The following NLN variants were observed in gnomAD, a reference collection of about 807,000 sequenced individuals.
NLN encodes the protein neurolysin, also known as neurolysin, mitochondrial.
Under a neutral mutation model 79.9 loss-of-function variants are expected in NLN, and 64 were observed. The observed-to-expected ratio is 0.80, with a 90% CI of 0.65 to 0.99. The LOEUF is 0.99. Among genes scored for constraint, NLN ranks in the 50% least tolerant of loss-of-function variants. NLN has a pLI of 0.00. For missense variants in NLN, 835 were observed against 858.7 expected, an observed-to-expected ratio of 0.97 and a Z score of 0.34; for synonymous variants, 267 against 296.6, an observed-to-expected ratio of 0.90 and a Z score of 1.02.
intron 11 of NLN, among the ~76,000 whole-genome samples, chr5:65,810,926 C>A (rs1760530286): frequency 6.6e-6 from 1 of 152,118 alleles, no homozygotes; most frequent in African/African-American, 2.4e-5. Flanking sequence ...CTGCAGCGAG[C>A]CATGATTGCA....
intron 1 of NLN, among the ~76,000 whole-genome samples, chr5:65,743,985 G>A (rs1231850075): frequency 6.6e-6 from 1 of 152,192 alleles, no homozygotes; most frequent in Non-Finnish European, 1.5e-5. Flanking sequence ...CCCCAAGGCA[G>A]AGTCACACAC....
Position 65,780,515 on chromosome 5 carries a change from GGACTT to G in NLN, c.661+235_661+239del, listed in dbSNP as rs530012478. On this transcript the variant is annotated intron_variant, in intron 5 of 12. Transcript: ENST00000380985. ...AAAATTTCTAGAGACAGTCCAGAGG[GGACTT>G]AATAATCTTTTTTTTTTTTCATAAT... Among the ~76,000 whole-genome samples, 117 of 152,022 alleles carry G rather than the reference GGACTT, an allele frequency of 7.7e-4. 1 individual carries two copies. The highest frequency in any genetic ancestry group is 7.1e-3 in the East Asian group (37 of 5,182).
intron 3 of NLN, among the ~76,000 whole-genome samples, chr5:65,765,255 C>G (rs899779770): frequency 1.3e-5 from 2 of 152,184 alleles, no homozygotes; most frequent in Admixed American, 6.5e-5. Flanking sequence ...CGGTGGCTCA[C>G]GCCTGTAATC....
intron 1 of NLN, among the ~76,000 whole-genome samples, chr5:65,758,106 G>C (rs1418476212): frequency 6.6e-6 from 1 of 151,956 alleles, no homozygotes; most frequent in Non-Finnish European, 1.5e-5. Flanking sequence ...ATGGTGGTAT[G>C]TCCCCTGTAG....
chr5:65,787,832 T>G (rs1197502408), intron 7 of NLN, among the ~76,000 whole-genome samples: 2 of 152,194 alleles, frequency 1.3e-5, no homozygotes, highest in African/African-American at 4.8e-5. Flanking sequence ...TGAGATAAAC[T>G]TGAGCTTTGG....
In NLN at chr5:65,785,918, CT is replaced by C. The variant is rs769634832; in HGVS notation, c.958+20del. 0.099 allele frequency: 97,189 copies of C among 984,352 alleles called. 1 individual carries two copies. Among genetic ancestry groups the C allele is most frequent in the South Asian group, 0.15 (8,009 of 53,446 alleles). 61.0% of individuals were successfully genotyped at this position (984,352 alleles called of 1,614,324 possible). A position where few individuals can be genotyped will look rare whatever the true frequency, so the allele number is the denominator to read the frequency against. ...GCGTAACAGCCTTTCTAGGTTAGTT[CT>C]TTTTTTTTTTTCTATGACTGTTTTG... On this transcript the variant is annotated intron_variant, in intron 7 of 12. Coordinates refer to ENST00000380985, the MANE Select transcript of NLN (RefSeq NM_020726.5).
chr5:65,769,387 A>T (rs2150751235), intron 3 of NLN, among the ~76,000 whole-genome samples: 1 of 152,354 alleles, frequency 6.6e-6, no homozygotes, highest in Middle Eastern at 3.4e-3. Context: ...TACATTTGGA[A>T]ATAACAAAGT....
rs756369946 is a variant in NLN at position 65,788,228 on chromosome 5, A to G, written c.1069A>G (p.Asn357Asp). The G allele has an allele frequency of 3.7e-6, 6 of 1,614,216 alleles. No homozygotes were observed. The South Asian group carries it at 5.5e-5, about 15-fold the overall frequency. ...DRGFEYDGKI[N>D]AWDLYYYMTQ... ...GGGTTTTGAATATGATGGGAAAATCAATGCCTGGGATCTATATTACTACAT... is the reference window on the plus strand; with the variant it reads ...GGGTTTTGAATATGATGGGAAAATCGATGCCTGGGATCTATATTACTACAT... The change falls in exon 8 of 13, where the codon AAT becomes GAT. Residue 357 changes from asparagine (N) to aspartate (D), a missense_variant. By Grantham distance (23) the Asn-to-Asp change is conservative. Coordinates refer to ENST00000380985, the MANE Select transcript of NLN (RefSeq NM_020726.5).
chr5:65,768,760 G>T (rs1481878601), intron 3 of NLN, among the ~76,000 whole-genome samples: 1 of 152,208 alleles, frequency 6.6e-6, no homozygotes, highest in Non-Finnish European at 1.5e-5. Flanking sequence ...CATGGCACGG[G>T]TTGGGAGGTG....
Position 65,745,216 on chromosome 5 carries a change from T to C in NLN, c.42-13351T>C, listed in dbSNP as rs540234990. Among the ~76,000 whole-genome samples, 18 of 152,032 alleles carry C rather than the reference T, an allele frequency of 1.2e-4. No homozygotes were observed. The South Asian group carries it at 3.7e-3, about 32-fold the overall frequency. ...GCCCCTGCAGCAATCTCTCAGGGAG[T>C]GGTATAGATAACAAGTCAGACATGT... On this transcript the variant is annotated intron_variant, in intron 1 of 12. Transcript: ENST00000380985.
chr5:65,768,865 C>T lies in NLN; in HGVS notation c.450+5757C>T, dbSNP rs184251632. Among the ~76,000 whole-genome samples, 214 of 152,324 alleles carry T rather than the reference C, an allele frequency of 1.4e-3. 1 individual carries two copies. The highest frequency in any genetic ancestry group is 3.4e-3 in the Middle Eastern group (1 of 294). ...TCAGATTAAGAACTGCCCTTCTGACCTCATTTAACCTTAATTACCTGCCAA... is the reference window on the plus strand; with the variant it reads ...TCAGATTAAGAACTGCCCTTCTGACTTCATTTAACCTTAATTACCTGCCAA... On this transcript the variant is annotated intron_variant, in intron 3 of 12. Coordinates refer to ENST00000380985, the MANE Select transcript of NLN (RefSeq NM_020726.5).
chr5:65,734,032 G>A lies in NLN; in HGVS notation c.41+11618G>A, dbSNP rs552428751. Among the ~76,000 whole-genome samples, 10 of 138,836 alleles carry A rather than the reference G, an allele frequency of 7.2e-5. 2 individuals carry two copies. Among genetic ancestry groups the A allele is most frequent in the African/African-American group, 2.2e-4 (8 of 36,526 alleles). The allele number at this position is 138,836 out of a possible 152,430, so 91.1% of individuals were successfully genotyped here. ...CCTGCCTCAGCCTCCAGAGTAGCTG[G>A]GACTACAGGTGTCCACCACCACACC... On this transcript the variant is annotated intron_variant, in intron 1 of 12. Coordinates refer to ENST00000380985, the MANE Select transcript of NLN (RefSeq NM_020726.5).
intron 1 of NLN, among the ~76,000 whole-genome samples, chr5:65,746,211 G>A (rs192447184): frequency 1.3e-3 from 192 of 152,134 alleles, no homozygotes; most frequent in African/African-American, 4.4e-3. Flanking sequence ...CTGAGAAGGG[G>A]CTAAAAACAA....
intron 9 of NLN, among the ~76,000 whole-genome samples, chr5:65,797,126 C>A (rs895804857): frequency 2.0e-5 from 3 of 152,184 alleles, no homozygotes; most frequent in Non-Finnish European, 4.4e-5. Context: ...AGTATCTGTT[C>A]CTGTTGCATG....
rs200879136 is a variant in NLN at position 65,788,321 on chromosome 5, G to A, written c.1162G>A (p.Val388Met). 2.6e-4 allele frequency: 420 copies of A among 1,614,162 alleles called. 4 individuals carry two copies. Among genetic ancestry groups the A allele is most frequent in the South Asian group, 2.5e-3 (226 of 91,078 alleles). ...CCTCAAGGAATACTTCCCAATTGAGGTGGTCACTGAAGGCTTGCTGAACAC... is the reference window on the plus strand; with the variant it reads ...CCTCAAGGAATACTTCCCAATTGAGATGGTCACTGAAGGCTTGCTGAACAC... Reference protein sequence around the residue: ...EFLKEYFPIEVVTEGLLNTYQ... With the variant: ...EFLKEYFPIEMVTEGLLNTYQ... Residue 388 changes from valine to methionine, a missense_variant, in exon 8 of 13, where the codon GTG becomes ATG. Val to Met is a conservative substitution (Grantham distance 21). Transcript: ENST00000380985.
intron 9 of NLN, among the ~76,000 whole-genome samples, chr5:65,803,956 G>A (rs1189170781): frequency 1.3e-5 from 2 of 152,174 alleles, no homozygotes; most frequent in Admixed American, 6.5e-5. Flanking sequence ...GGTTACAAAG[G>A]CTGGTCTTTA....
intron 6 of NLN, among the ~76,000 whole-genome samples, chr5:65,782,946 T>C (rs1759830846): frequency 6.6e-6 from 1 of 152,228 alleles, no homozygotes; most frequent in African/African-American, 2.4e-5. Flanking sequence ...CTTCCCAGCC[T>C]GCAATGTCTG....
chr5:65,803,111 G>T (rs1760326089), intron 9 of NLN, among the ~76,000 whole-genome samples: 1 of 152,184 alleles, frequency 6.6e-6, no homozygotes, highest in African/African-American at 2.4e-5. Flanking sequence ...CAGGCTGATT[G>T]GCTTATGGGT....
intron 1 of NLN, among the ~76,000 whole-genome samples, chr5:65,738,996 ATTT>A (rs141122396): frequency 1.4e-5 from 2 of 140,014 alleles, no homozygotes; most frequent in African/African-American, 5.3e-5. Context: ...ATTTATATAT[ATTT>A]TATAATATAT....
Sources: gnomAD v4.1 joint callset for allele counts (sites outside exome capture counted in the v4.1 genomes callset) on GRCh38, gnomAD v4.1.1 for gene constraint, MANE v1.5 for transcripts, NCBI Gene and HGNC (gene_info 2026-07-23, HGNC 2026-07-21) for gene names.